LRP2BP: variants seen among roughly 807,000 people sequenced by gnomAD.
LRP2BP encodes the protein LRP2-binding protein.
In LRP2BP, 38 loss-of-function variants were observed where a neutral mutation model predicts 45.2. The ratio of observed to expected loss-of-function variants is 0.84; its 90% confidence interval spans 0.65 to 1.10. The LOEUF is 1.10. LRP2BP is among the 50% of genes least tolerant of loss of function. The probability of loss-of-function intolerance (pLI) is 0.00; values close to 1 mark genes in which losing one functional copy is unlikely to be tolerated. For missense variants in LRP2BP, 385 were observed against 418.9 expected, an observed-to-expected ratio of 0.92 and a Z score of 0.71; for synonymous variants, 153 against 153.9, an observed-to-expected ratio of 0.99 and a Z score of 0.04.
rs752732765 is a variant in LRP2BP, at chr4:185,394,871, C to T, written c.-114G>A. ...GCAATTAAAACATGTAGAATTAGCACTGCTTAGGAGAACGCCTATAAAATA... is the reference window on the plus strand; with the variant it reads ...GCAATTAAAACATGTAGAATTAGCATTGCTTAGGAGAACGCCTATAAAATA... On this transcript the variant is annotated 5_prime_UTR_variant, in exon 1 of 9. It adds an upstream start codon to the 5' untranslated region. Transcript: ENST00000505916. 1.0e-6 allele frequency: 1 copy of T among 985,330 alleles called. No homozygotes were observed. Among genetic ancestry groups the T allele is most frequent in the Non-Finnish European group, 1.2e-6 (1 of 829,938 alleles). 61.0% of individuals were successfully genotyped at this position (985,330 alleles called of 1,614,324 possible).
intron 1 of LRP2BP, among the ~76,000 whole-genome samples, chr4:185,385,617 C>A (rs1313899019): frequency 6.6e-6 from 1 of 152,154 alleles, no homozygotes. Context: ...GTAACATCAT[C>A]CCAGGCCAGG....
intron 1 of LRP2BP, among the ~76,000 whole-genome samples, chr4:185,392,500 G>A (rs1018050380): frequency 2.0e-5 from 3 of 151,982 alleles, no homozygotes; most frequent in East Asian, 1.9e-4. Flanking sequence ...AAATTCTTCC[G>A]TTTTTACAAT....
upstream of LRP2BP, chr4:185,396,038 C>G (rs962003638): frequency 7.7e-6 from 3 of 390,308 alleles, no homozygotes; most frequent in Non-Finnish European, 1.0e-5. Flanking sequence ...TCACCAGCCC[C>G]GCGGGTCCGA....
At chr4:185,381,186 TCATA>T (rs1298655966) in intron 1 of LRP2BP, among the ~76,000 whole-genome samples, 1 of 152,220 alleles carries the variant, frequency 6.6e-6, no homozygotes, top group African/African-American at 2.4e-5. Context: ...ATAAATGGAA[TCATA>T]CAGTGTGTAA....
upstream of LRP2BP, chr4:185,396,809 G>T (rs1457627319): frequency 4.3e-6 from 5 of 1,161,812 alleles, no homozygotes; most frequent in South Asian, 1.2e-5. Flanking sequence ...AGTCCCAGCG[G>T]TCTTTAAATT....
chr4:185,368,834 C>T (rs994864945), intron 8 of LRP2BP, among the ~76,000 whole-genome samples: 2 of 144,054 alleles, frequency 1.4e-5, no homozygotes, highest in Admixed American at 7.0e-5. Flanking sequence ...CACTGTGTTG[C>T]CCAGGCTGGA....
In LRP2BP at chr4:185,365,683, A is replaced by AAAAG. The variant is rs1166538746; in HGVS notation, c.*1496_*1497insCTTT. ...TTAGGTCAGGAGACTCCGTCTCAAA[A>AAAAG]AAAAAAAAATAATAATAATAATAAT... On this transcript the variant is annotated 3_prime_UTR_variant, in exon 9 of 9. Transcript: ENST00000505916. 1 of 139,902 alleles carries AAAAG rather than the reference A, an allele frequency of 7.1e-6. No homozygotes were observed. The highest frequency in any genetic ancestry group is 1.6e-5 in the Non-Finnish European group (1 of 64,050). The allele number at this position is 139,902 out of a possible 1,614,324, so 8.7% of individuals were successfully genotyped here.
At chr4:185,382,285 G>A (rs76897834) in intron 1 of LRP2BP, among the ~76,000 whole-genome samples, 1,834 of 152,276 alleles carry the variant, frequency 0.012, 35 homozygotes, top group African/African-American at 0.042. Flanking sequence ...CACTTGGATT[G>A]TTTCCAGCTT....
At chr4:185,376,875 C>T (rs768599873) in intron 3 of LRP2BP, 34 bp downstream of exon 3, 2 of 1,475,410 alleles carry the variant, frequency 1.4e-6, no homozygotes, top group East Asian at 2.3e-5. Context: ...AACAGAATTA[C>T]AGGAAATGAA....
At chr4:185,372,803 A>C in intron 7 of LRP2BP, 53 bp downstream of exon 7, 1 of 1,412,556 alleles carries the variant, frequency 7.1e-7, no homozygotes, top group Non-Finnish European at 9.8e-7. Flanking sequence ...CTCATAAATT[A>C]CCTAGTGTGT....
chr4:185,395,237 G>A lies in LRP2BP; in HGVS notation c.-480C>T, dbSNP rs2095498736. Reference sequence around the variant, plus strand: ...AAATAACTACCACTTAATGCATACTGAACAGAATCTTGTTTCAAAGAAAAG... The same window carrying A: ...AAATAACTACCACTTAATGCATACTAAACAGAATCTTGTTTCAAAGAAAAG... On this transcript the variant is annotated 5_prime_UTR_variant, in exon 1 of 9. Transcript: ENST00000505916. 23 of 985,282 alleles carry A rather than the reference G, an allele frequency of 2.3e-5. No homozygotes were observed. Among genetic ancestry groups the A allele is most frequent in the Non-Finnish European group, 2.7e-5 (22 of 829,906 alleles). The allele number at this position is 985,282 out of a possible 1,614,324, so 61.0% of individuals were successfully genotyped here.
intron 4 of LRP2BP, among the ~76,000 whole-genome samples, chr4:185,375,257 G>C (rs1374202884): frequency 6.7e-6 from 1 of 148,910 alleles, no homozygotes; most frequent in Non-Finnish European, 1.5e-5. Flanking sequence ...TGTATTTTTA[G>C]TAGAGCCTGG....
chr4:185,374,141 T>C lies in LRP2BP; in HGVS notation c.573A>G (p.Leu191=). The part of the protein sequence containing the change: ...LYYSTKEPKE[L]EKAFYWHSEA... Reference sequence around the variant, plus strand: ...AAAAAAGAGGGAACGTTACCTTTTCTAACTCCTTGGGCTCCTTGGTTGAGT... The same window carrying C: ...AAAAAAGAGGGAACGTTACCTTTTCCAACTCCTTGGGCTCCTTGGTTGAGT... The change falls in exon 6 of 9, where the codon TTA becomes TTG. Residue 191 remains leucine, a synonymous_variant. Coordinates refer to ENST00000505916, the MANE Select transcript of LRP2BP (RefSeq NM_001377440.1). The C allele has an allele frequency of 6.2e-7, 1 of 1,613,730 alleles. No homozygotes were observed.
intron 1 of LRP2BP, among the ~76,000 whole-genome samples, chr4:185,393,062 T>C (rs1052663170): frequency 6.6e-6 from 1 of 152,154 alleles, no homozygotes; most frequent in Middle Eastern, 3.2e-3. Context: ...GCCTCTCAAG[T>C]AGCTGGCATT....
intron 1 of LRP2BP, among the ~76,000 whole-genome samples, chr4:185,385,908 G>GA (rs1471503625): frequency 0.022 from 1,587 of 72,498 alleles, 54 homozygotes; most frequent in African/African-American, 0.052. Context: ...CTCGGGGAGG[G>GA]GGGGGGGGAG....
At position 185,376,495 on chromosome 4, in the gene LRP2BP, T is replaced by C. The variant is rs567566074; in HGVS notation, c.216+414A>G. On this transcript the variant is annotated intron_variant, in intron 3 of 8. Coordinates refer to ENST00000505916, the MANE Select transcript of LRP2BP (RefSeq NM_001377440.1). ...TTTTAGTACAGATGGGGTGTAGCCA[T>C]GTTGGCCAGGCTGGTCTACAACTCC... 2.9e-3 allele frequency among the ~76,000 whole-genome samples: 429 copies of C among 147,144 alleles called. 2 individuals are homozygous for C. Among genetic ancestry groups the C allele is most frequent in the Middle Eastern group, 0.015 (4 of 266 alleles).
chr4:185,370,825 G>A lies in LRP2BP; in HGVS notation c.804-11C>T. ...TCATAGTCAGCGATCCTGAGAGGAT[G>A]TAGAGTTGTGAAATGGAAAAGACAT... On this transcript the variant is annotated splice_polypyrimidine_tract_variant and intron_variant, in intron 7 of 8. Transcript: ENST00000505916. 1 of 1,613,726 alleles carries A rather than the reference G, an allele frequency of 6.2e-7. No homozygotes were observed. Among genetic ancestry groups the A allele is most frequent in the Non-Finnish European group, 8.5e-7 (1 of 1,179,676 alleles).
At position 185,395,341 on chromosome 4, in the gene LRP2BP, A is replaced by G; in HGVS notation, c.-584T>C. ...CTGCAGTATTTATGTTCAAAACTGT[A>G]AGAACGTGTCTGATACCCTTTATTA... On this transcript the variant is annotated 5_prime_UTR_variant, in exon 1 of 9. Coordinates refer to ENST00000505916, the MANE Select transcript of LRP2BP (RefSeq NM_001377440.1). 1 of 985,464 alleles carries G rather than the reference A, an allele frequency of 1.0e-6. No homozygotes were observed. Among genetic ancestry groups the G allele is most frequent in the African/African-American group, 1.7e-5 (1 of 57,380 alleles). 61.0% of individuals were successfully genotyped at this position (985,464 alleles called of 1,614,324 possible). A position where few individuals can be genotyped will look rare whatever the true frequency, so the allele number is the denominator to read the frequency against.
chr4:185,381,454 C>T (rs1181827302), intron 1 of LRP2BP, among the ~76,000 whole-genome samples: 2 of 152,166 alleles, frequency 1.3e-5, no homozygotes, highest in Non-Finnish European at 2.9e-5. Flanking sequence ...AATGACTATG[C>T]ATAGTCAGCT....
Sources: gnomAD v4.1 joint callset for allele counts (sites outside exome capture counted in the v4.1 genomes callset) on GRCh38, gnomAD v4.1.1 for gene constraint, MANE v1.5 for transcripts, NCBI Gene and HGNC (gene_info 2026-07-23, HGNC 2026-07-21) for gene names.